Variants in NCKAP5 observed in about 807,000 individuals in gnomAD.
The protein encoded by NCKAP5 is NCK associated protein 5.
Under a neutral mutation model 167.0 loss-of-function variants are expected in NCKAP5, and 92 were observed. That is an observed-to-expected ratio of 0.55 (90% CI 0.47 to 0.66). The LOEUF is 0.66. Ranked by LOEUF, NCKAP5 falls within the 30% of genes least tolerant of loss-of-function variation. The pLI, the probability that NCKAP5 is intolerant of heterozygous loss-of-function variation, is 0.00. For synonymous variants in NCKAP5, 891 were observed against 877.4 expected, an observed-to-expected ratio of 1.02 and a Z score of -0.27; for missense variants, 2,378 against 2,315.0, an observed-to-expected ratio of 1.03 and a Z score of -0.56.
Position 132,773,901 on chromosome 2 carries a change from G to A in NCKAP5, c.5050-7C>T. On this transcript the variant is annotated splice_polypyrimidine_tract_variant and splice_region_variant and intron_variant, in intron 15 of 19. Transcript: ENST00000409261. ...TTTCATTTGCCTCTTTTACCTGCAG[G>A]AAGAAGAAAATGATGCAAGTTCTTA... 4 of 1,606,612 alleles carry A rather than the reference G, an allele frequency of 2.5e-6. No homozygotes were observed. Among genetic ancestry groups the A allele is most frequent in the Non-Finnish European group, 3.4e-6 (4 of 1,177,190 alleles).
intron 19 of NCKAP5, 140 bp downstream of exon 19, chr2:132,725,487 A>G: frequency 9.8e-7 from 1 of 1,015,852 alleles, no homozygotes; most frequent in Non-Finnish European, 1.4e-6. Context: ...TTCTGTATGT[A>G]CCAGAAAATT....
chr2:132,683,287 T>C (rs1348660459), intron 19 of NCKAP5, among the ~76,000 whole-genome samples: 1 of 152,058 alleles, frequency 6.6e-6, no homozygotes, highest in Non-Finnish European at 1.5e-5. Flanking sequence ...TCTTCCAATC[T>C]CATTAGCCCA....
At chr2:132,875,705 G>A (rs1448327849) in intron 9 of NCKAP5, among the ~76,000 whole-genome samples, 1 of 152,244 alleles carries the variant, frequency 6.6e-6, no homozygotes, top group East Asian at 1.9e-4. Context: ...ACCACTAAGT[G>A]TCTGTCAAAC....
chr2:133,038,125 C>T (rs1384995854), intron 6 of NCKAP5, among the ~76,000 whole-genome samples: 1 of 152,064 alleles, frequency 6.6e-6, no homozygotes, highest in Non-Finnish European at 1.5e-5. Context: ...TGGTATACAT[C>T]CAAAAGAAAG....
At chr2:133,588,445 T>C in the NCKAP5 span, among the ~76,000 whole-genome samples, 1 of 115,004 alleles carries the variant, frequency 8.7e-6, no homozygotes, top group African/African-American at 3.3e-5. Context: ...ATTCCTTCCC[T>C]AATTCATTCC....
At chr2:132,874,260 C>G (rs759987794) in intron 9 of NCKAP5, among the ~76,000 whole-genome samples, 1 of 152,012 alleles carries the variant, frequency 6.6e-6, no homozygotes, top group African/African-American at 2.4e-5. Flanking sequence ...AGGCTCCCAC[C>G]ACCATGCCTG....
intron 4 of NCKAP5, among the ~76,000 whole-genome samples, chr2:133,222,359 T>C (rs1349382816): frequency 7.2e-6 from 1 of 137,948 alleles, no homozygotes; most frequent in African/African-American, 2.5e-5. Context: ...GGCACTGTTT[T>C]ATACTTCTGC....
At chr2:133,354,314 G>T (rs1346051733) in intron 3 of NCKAP5, among the ~76,000 whole-genome samples, 1 of 145,756 alleles carries the variant, frequency 6.9e-6, no homozygotes. Flanking sequence ...TTGAGACAGG[G>T]TCTCTCTATG....
intron 12 of NCKAP5, among the ~76,000 whole-genome samples, chr2:132,794,362 G>A (rs1311153249): frequency 6.8e-6 from 1 of 147,732 alleles, no homozygotes. Context: ...GCCAGGCACA[G>A]TGGCTCACAC....
chr2:133,214,825 A>G (rs1212925697), intron 4 of NCKAP5, among the ~76,000 whole-genome samples: 1 of 152,176 alleles, frequency 6.6e-6, no homozygotes, highest in Non-Finnish European at 1.5e-5. Context: ...GCCCAGGATC[A>G]GCTATATGCA....
intron 6 of NCKAP5, among the ~76,000 whole-genome samples, chr2:133,022,955 T>G (rs760037947): frequency 6.6e-6 from 1 of 152,174 alleles, no homozygotes; most frequent in African/African-American, 2.4e-5. Context: ...CCATGTGGCA[T>G]TGAACTAAGA....
intron 6 of NCKAP5, among the ~76,000 whole-genome samples, chr2:133,042,780 C>T (rs2079257756): frequency 6.6e-6 from 1 of 152,060 alleles, no homozygotes; most frequent in African/African-American, 2.4e-5. Flanking sequence ...TAATTTAACC[C>T]CCACTAAATA....
chr2:133,589,405 G>A, the NCKAP5 span, among the ~76,000 whole-genome samples: 6 of 152,126 alleles, frequency 3.9e-5, no homozygotes, highest in Admixed American at 2.0e-4. Flanking sequence ...GCAGTTTCAC[G>A]GGGGAATTGG....
rs375205120 is a variant in NCKAP5 at position 132,777,355 on chromosome 2, T to C, written c.5050-3461A>G. 3.4e-3 allele frequency among the ~76,000 whole-genome samples: 511 copies of C among 152,300 alleles called. 3 individuals are homozygous for C. Among genetic ancestry groups the C allele is most frequent in the African/African-American group, 0.012 (490 of 41,572 alleles). On this transcript the variant is annotated intron_variant, in intron 15 of 19. Coordinates refer to ENST00000409261, the MANE Select transcript of NCKAP5 (RefSeq NM_207363.3). The stretch of plus-strand genomic sequence containing the variant: ...AAAAGGGGAGAAAATAATTCACCAT[T>C]GACATAATTGATATAATTTCATAAT...
At chr2:133,226,089 T>C (rs910052421) in intron 4 of NCKAP5, among the ~76,000 whole-genome samples, 4 of 143,180 alleles carry the variant, frequency 2.8e-5, no homozygotes, top group African/African-American at 1.0e-4. Flanking sequence ...CCACGGTGCC[T>C]GGCTGCCACA....
chr2:133,541,440 A>G (rs979041243), intron 2 of NCKAP5, among the ~76,000 whole-genome samples: 1 of 152,190 alleles, frequency 6.6e-6, no homozygotes, highest in African/African-American at 2.4e-5. Context: ...TGGCTACAAT[A>G]ATTTAAATAC....
Position 133,550,794 on chromosome 2 carries a change from G to C in NCKAP5, c.-62+8256C>G, listed in dbSNP as rs530749769. Reference sequence around the variant, plus strand: ...AATAAAGGGTATTCAATTAGGAAAAGAGGAAGTCAAATTGTCCCTGTTTGC... The same window carrying C: ...AATAAAGGGTATTCAATTAGGAAAACAGGAAGTCAAATTGTCCCTGTTTGC... On this transcript the variant is annotated intron_variant, in intron 2 of 19. Coordinates refer to ENST00000409261, the MANE Select transcript of NCKAP5 (RefSeq NM_207363.3). Among the ~76,000 whole-genome samples, 59 of 136,206 alleles carry C rather than the reference G, an allele frequency of 4.3e-4. 1 individual carries two copies. In the East Asian group the frequency reaches 0.012, roughly 28 times the overall value. 89.4% of individuals were successfully genotyped at this position (136,206 alleles called of 152,430 possible).
the NCKAP5 span, among the ~76,000 whole-genome samples, chr2:133,629,254 T>A: frequency 1.4e-3 from 207 of 152,282 alleles, 3 homozygotes; most frequent in Non-Finnish European, 2.4e-4. Flanking sequence ...AAAGGTCTAA[T>A]ATCCAGAATC....
chr2:133,545,916 C>T (rs1254089263), intron 2 of NCKAP5, among the ~76,000 whole-genome samples: 1 of 152,012 alleles, frequency 6.6e-6, no homozygotes, highest in Non-Finnish European at 1.5e-5. Flanking sequence ...AGATTGATAC[C>T]GTTTGCTAAA....
Sources: allele counts gnomAD v4.1 joint callset (sites outside exome capture counted in the v4.1 genomes callset), GRCh38; gene constraint gnomAD v4.1.1; transcripts MANE v1.5; gene names NCBI Gene and HGNC (gene_info 2026-07-23, HGNC 2026-07-21).